Variants in ADGRL3 observed in about 807,000 individuals in gnomAD.
The protein encoded by ADGRL3 is adhesion G protein-coupled receptor L3.
Under a neutral mutation model 153.5 loss-of-function variants are expected in ADGRL3, and 62 were observed. The observed-to-expected ratio is 0.40, with a 90% CI of 0.33 to 0.50. The LOEUF (loss-of-function observed/expected upper bound fraction) is 0.50, where lower values mean the gene tolerates loss of function less well. Ranked by LOEUF, ADGRL3 falls within the 20% of genes least tolerant of loss-of-function variation. The pLI is 0.47. For missense variants in ADGRL3, 1,641 were observed against 1,859.4 expected, an observed-to-expected ratio of 0.88 and a Z score of 2.16; for synonymous variants, 710 against 672.5, an observed-to-expected ratio of 1.06 and a Z score of -0.86.
intron 9 of ADGRL3, among the ~76,000 whole-genome samples, chr4:61,869,031 C>T (rs1194777789): frequency 6.6e-6 from 1 of 152,144 alleles, no homozygotes; most frequent in Non-Finnish European, 1.5e-5. Flanking sequence ...CAGCCTCGAC[C>T]TACTGGGCTC....
At chr4:61,869,275 A>G (rs1406556427) in intron 9 of ADGRL3, among the ~76,000 whole-genome samples, 1 of 151,962 alleles carries the variant, frequency 6.6e-6, no homozygotes, top group African/African-American at 2.4e-5. Context: ...AACATTTACC[A>G]AGTTCCTATT....
intron 13 of ADGRL3, among the ~76,000 whole-genome samples, chr4:61,922,623 T>C (rs1217995471): frequency 6.6e-6 from 1 of 152,350 alleles, no homozygotes; most frequent in East Asian, 1.9e-4. Context: ...CCAACAAGTA[T>C]GTCCTTTTCA....
At chr4:61,255,448 A>C (rs926185823) in intron 1 of ADGRL3, among the ~76,000 whole-genome samples, 1 of 152,170 alleles carries the variant, frequency 6.6e-6, no homozygotes, top group Non-Finnish European at 1.5e-5. Context: ...TGCCTTGTTA[A>C]AACCAGTTGG....
intron 12 of ADGRL3, among the ~76,000 whole-genome samples, chr4:61,910,090 T>C (rs576992268): frequency 1.3e-5 from 2 of 152,010 alleles, no homozygotes; most frequent in Non-Finnish European, 2.9e-5. Context: ...TTTAAGATAA[T>C]TGACAATAAA....
intron 2 of ADGRL3, chr4:61,427,769 G>A (rs6819638): frequency 0.39 from 60,210 of 152,642 alleles, 12,427 homozygotes; most frequent in Middle Eastern, 0.57. Flanking sequence ...CAAGCTGTAT[G>A]TCCGGATCTC....
intron 11 of ADGRL3, among the ~76,000 whole-genome samples, chr4:61,904,207 C>A (rs2098683192): frequency 1.4e-5 from 2 of 146,212 alleles, no homozygotes; most frequent in Non-Finnish European, 3.0e-5. Flanking sequence ...TTCTTGAATG[C>A]CAAAATACTG....
At chr4:61,335,916 A>G (rs1309712934) in intron 1 of ADGRL3, among the ~76,000 whole-genome samples, 3 of 152,226 alleles carry the variant, frequency 2.0e-5, no homozygotes, top group African/African-American at 7.2e-5. Flanking sequence ...GAAGTTTTCA[A>G]TTAAGTATTG....
At chr4:62,048,408 A>T (rs1182682457) in intron 25 of ADGRL3, among the ~76,000 whole-genome samples, 1 of 151,892 alleles carries the variant, frequency 6.6e-6, no homozygotes, top group Non-Finnish European at 1.5e-5. Context: ...GATTACAGAC[A>T]CACACCACCA....
At chr4:61,405,775 G>A (rs1028296099) in intron 2 of ADGRL3, among the ~76,000 whole-genome samples, 2 of 151,840 alleles carry the variant, frequency 1.3e-5, no homozygotes, top group Non-Finnish European at 1.5e-5. Context: ...TGTTTTCCAC[G>A]TGGCCTAATG....
intron 1 of ADGRL3, among the ~76,000 whole-genome samples, chr4:61,331,681 T>A (rs1337778245): frequency 2.0e-5 from 3 of 152,166 alleles, no homozygotes; most frequent in African/African-American, 7.2e-5. Context: ...TATCTTTAAG[T>A]ACTATAGAAT....
At position 61,991,058 on chromosome 4, in the gene ADGRL3, AT is replaced by A. The variant is rs1389674316; in HGVS notation, c.3237-5232del. Among the ~76,000 whole-genome samples, 13 of 151,804 alleles carry A rather than the reference AT, an allele frequency of 8.6e-5. 1 individual carries two copies. Among genetic ancestry groups the A allele is most frequent in the African/African-American group, 3.1e-4 (13 of 41,316 alleles). On this transcript the variant is annotated intron_variant, in intron 19 of 26. Transcript: ENST00000683033. ...GTATGTATGTAAACAGTATGTATAT[AT>A]GTAAAATATATGCTAGACATCTATG... is the stretch of plus-strand genomic sequence containing the variant.
chr4:61,426,162 G>A (rs184555147), intron 2 of ADGRL3, among the ~76,000 whole-genome samples: 5 of 152,362 alleles, frequency 3.3e-5, no homozygotes, highest in East Asian at 1.9e-4. Flanking sequence ...GCCACATGGC[G>A]TGGCTCCAAA....
intron 9 of ADGRL3, among the ~76,000 whole-genome samples, chr4:61,847,945 T>C (rs866531990): frequency 0.02 from 225 of 11,510 alleles, no homozygotes; most frequent in Admixed American, 0.056. Context: ...ATATATTATA[T>C]ATATAATATA....
chr4:61,333,998 C>A (rs1452514071), intron 1 of ADGRL3, among the ~76,000 whole-genome samples: 2 of 151,114 alleles, frequency 1.3e-5, no homozygotes, highest in African/African-American at 4.9e-5. Flanking sequence ...TCACTGCAAT[C>A]TCTGCCTCGC....
chr4:61,524,533 G>A (rs1191876253), intron 4 of ADGRL3, among the ~76,000 whole-genome samples: 2 of 151,948 alleles, frequency 1.3e-5, no homozygotes, highest in African/African-American at 4.8e-5. Context: ...GATGCTACTA[G>A]TATGGAATTG....
intron 2 of ADGRL3, among the ~76,000 whole-genome samples, chr4:61,486,330 T>C (rs900159686): frequency 1.3e-5 from 2 of 152,136 alleles, no homozygotes; most frequent in Non-Finnish European, 2.9e-5. Flanking sequence ...ATGATACTGA[T>C]TTTATATTTA....
At chr4:61,274,879 T>C (rs1230845965) in intron 1 of ADGRL3, among the ~76,000 whole-genome samples, 1 of 152,116 alleles carries the variant, frequency 6.6e-6, no homozygotes, top group African/African-American at 2.4e-5. Flanking sequence ...GCAGTGATCA[T>C]GCCACTGCAC....
At chr4:61,742,501 C>G (rs1490092489) in intron 8 of ADGRL3, among the ~76,000 whole-genome samples, 1 of 151,994 alleles carries the variant, frequency 6.6e-6, no homozygotes, top group Non-Finnish European at 1.5e-5. Context: ...AGGATGGTCT[C>G]TATATCCTGA....
chr4:61,488,226 G>A (rs748503828), intron 2 of ADGRL3, among the ~76,000 whole-genome samples: 13 of 151,954 alleles, frequency 8.6e-5, no homozygotes, highest in Non-Finnish European at 1.6e-4. Flanking sequence ...TTTTATGCTA[G>A]AAAAGTTTCC....
Sources: allele counts gnomAD v4.1 joint callset (sites outside exome capture counted in the v4.1 genomes callset), GRCh38; gene constraint gnomAD v4.1.1; transcripts MANE v1.5; gene names NCBI Gene and HGNC (gene_info 2026-07-23, HGNC 2026-07-21).